The following GSC variants were observed in gnomAD, a reference collection of about 807,000 sequenced individuals.
GSC encodes the protein homeobox protein goosecoid.
In GSC, 13 loss-of-function variants were observed where a neutral mutation model predicts 24.5. The ratio of observed to expected loss-of-function variants is 0.53; its 90% CI spans 0.35 to 0.84. The LOEUF (loss-of-function observed/expected upper bound fraction) is 0.84. Among genes scored for constraint, GSC ranks in the 40% least tolerant of loss-of-function variants. GSC has a pLI of 0.01. For missense variants in GSC, 382 were observed against 384.2 expected, an observed-to-expected ratio of 0.99 and a Z score of 0.05; for synonymous variants, 199 against 182.1, an observed-to-expected ratio of 1.09 and a Z score of -0.75.
chr14:94,769,041 G>C lies in GSC; in HGVS notation c.532C>G (p.Leu178Val), dbSNP rs1169991794. 1.3e-6 allele frequency: 2 copies of C among 1,596,754 alleles called. No homozygotes were observed. The highest frequency in any genetic ancestry group is 2.7e-5 in the African/African-American group (2 of 74,746). Residue 178 changes from leucine to valine, a missense_variant, in exon 2 of 3, where the codon CTC (leucine) becomes GTC (valine). By Grantham distance (32) the Leu-to-Val change is conservative (BLOSUM62 1). Coordinates refer to ENST00000238558, the MANE Select transcript of GSC (RefSeq NM_173849.3). ...TDEQLEALEN[L>V]FQETKYPDVG... is the part of the protein sequence containing the mutation. ...TCCGGGTACTTGGTCTCCTGGAAGA[G>C]GTTCTCGAGAGCTTCGAGCTGCTCG...
Position 94,768,952 on chromosome 14 carries a change from GC to G in GSC, c.615+5del. On this transcript the variant is annotated splice_donor_5th_base_variant and intron_variant, in intron 2 of 2. Transcript: ENST00000238558. ...CTAGGCGCCCACGGCAGGCCCCGGC[GC>G]CTACCTCCACTTTCTCCTCGCGGAG... The G allele has an allele frequency of 6.3e-7, 1 of 1,577,152 alleles. No individual in the cohort carries two copies. Among genetic ancestry groups the G allele is most frequent in the Non-Finnish European group, 8.6e-7 (1 of 1,162,838 alleles).
Position 94,769,893 on chromosome 14 carries a change from G to A in GSC, c.123C>T (p.Asp41=). The A allele has an allele frequency of 6.6e-7, 1 of 1,513,538 alleles. No homozygotes were observed. The highest frequency in any genetic ancestry group is 8.8e-7 in the Non-Finnish European group (1 of 1,138,654). The allele number at this position is 1,513,538 out of a possible 1,614,324, so 93.8% of individuals were successfully genotyped here. Residue 41 remains aspartate, a synonymous_variant, in exon 1 of 3, where the codon GAC becomes GAT. Transcript: ENST00000238558. ...CGCCGCCGCTGGCGCCGTAGAGCGA[G>A]TCCCCGTGCAGGGCCGGGAAGACGA... is the stretch of plus-strand genomic sequence containing the variant. The part of the protein sequence containing the change: ...APVVFPALHG[D]SLYGASGGAS...
chr14:94,770,105 G>T lies in GSC; in HGVS notation c.-90C>A. The T allele has an allele frequency of 1.6e-6, 2 of 1,283,482 alleles. No individual in the cohort carries two copies. Among genetic ancestry groups the T allele is most frequent in the South Asian group, 1.4e-5 (1 of 70,164 alleles). 79.5% of individuals were successfully genotyped at this position (1,283,482 alleles called of 1,614,324 possible). ...GGGGGTCCACTCTCCTCCAGCCGCCGACCAAACCGAAAGAGAGCGCCGGCG... is the reference window on the plus strand; with the variant it reads ...GGGGGTCCACTCTCCTCCAGCCGCCTACCAAACCGAAAGAGAGCGCCGGCG... On this transcript the variant is annotated 5_prime_UTR_variant, in exon 1 of 3. Transcript: ENST00000238558.
Position 94,769,128 on chromosome 14 carries a change from G to A in GSC, c.445C>T (p.Leu149=), listed in dbSNP as rs1422609540. ...CAGTGCAGCTGGTTGAGAAGCTGCA[G>A]CTCGGTGCGCGACAGCGTGCCCACG... The part of the protein sequence containing the change: ...MNVGTLSRTE[L]QLLNQLHCRR... The change falls in exon 2 of 3, where the codon CTG becomes TTG. Residue 149 remains leucine, a synonymous_variant. Coordinates refer to ENST00000238558, the MANE Select transcript of GSC (RefSeq NM_173849.3). 7 of 1,577,978 alleles carry A rather than the reference G, an allele frequency of 4.4e-6. No homozygotes were observed. In the Admixed American group the frequency reaches 1.3e-4, roughly 29 times the overall value.
chr14:94,769,905 G>C lies in GSC; in HGVS notation c.111C>G (p.Ala37=). 2.0e-6 allele frequency: 3 copies of C among 1,529,382 alleles called. No individual in the cohort carries two copies. The highest frequency in any genetic ancestry group is 1.4e-5 in the African/African-American group (1 of 71,236). The allele number at this position is 1,529,382 out of a possible 1,614,324, so 94.7% of individuals were successfully genotyped here. Residue 37 remains alanine, a synonymous_variant, in exon 1 of 3, where the codon GCC becomes GCG. Transcript: ENST00000238558. ...CGCCGTAGAGCGAGTCCCCGTGCAG[G>C]GCCGGGAAGACGACGGGAGCCGCCG... is the stretch of plus-strand genomic sequence containing the variant. ...HSAAAPVVFP[A]LHGDSLYGAS...
At position 94,768,538 on chromosome 14, in the gene GSC, C is replaced by T; in HGVS notation, c.727G>A (p.Glu243Lys). The change falls in exon 3 of 3, where the codon GAG becomes AAG. Residue 243 changes from glutamate (E) to lysine (K), a missense_variant. Transcript: ENST00000238558. Reference sequence around the variant, plus strand: ...CTTTTACCTTCCTCTTCCCTCTTCTCCGGTGACGCCTTCGACGACGACGTC... The same window carrying T: ...CTTTTACCTTCCTCTTCCCTCTTCTTCGGTGACGCCTTCGACGACGACGTC... ...NKTSSSKASP[E>K]KREEEGKSDL... 6.2e-7 allele frequency: 1 copy of T among 1,614,216 alleles called. No individual in the cohort carries two copies. The highest frequency in any genetic ancestry group is 8.5e-7 in the Non-Finnish European group (1 of 1,180,034).
In GSC at chr14:94,768,296, C is replaced by A. The variant is rs992753905; in HGVS notation, c.*195G>T. 3 of 648,548 alleles carry A rather than the reference C, an allele frequency of 4.6e-6. No individual in the cohort carries two copies. Among genetic ancestry groups the A allele is most frequent in the Non-Finnish European group, 8.2e-6 (3 of 365,794 alleles). The allele number at this position is 648,548 out of a possible 1,614,324, so 40.2% of individuals were successfully genotyped here. A position where few individuals can be genotyped will look rare whatever the true frequency, so the allele number is the denominator to read the frequency against. On this transcript the variant is annotated 3_prime_UTR_variant, in exon 3 of 3. Transcript: ENST00000238558. ...TACTACGGTGGGGGCTAGTCGCGGG[C>A]GGCCTCGGGCTGCTGGGCTGTGCGC...
rs1885244957 is a variant in GSC, at chr14:94,769,723, G to A, written c.293C>T (p.Ala98Val). 1.4e-6 allele frequency: 2 copies of A among 1,448,484 alleles called. No individual in the cohort carries two copies. Among genetic ancestry groups the A allele is most frequent in the Non-Finnish European group, 1.8e-6 (2 of 1,109,954 alleles). The allele number at this position is 1,448,484 out of a possible 1,614,324, so 89.7% of individuals were successfully genotyped here. ...CAGCGGCGGCACGGCCCCGCAGCAG[G>A]CCGGGCCCACGGGCGCCGCCTGCAC... ...LHVQAAPVGP[A>V]CCGAVPPLGA... Residue 98 changes from alanine (A) to valine (V), a missense_variant, in exon 1 of 3, where the codon GCC (alanine) becomes GTC (valine). Coordinates refer to ENST00000238558, the MANE Select transcript of GSC (RefSeq NM_173849.3).
chr14:94,768,722 C>T (rs2139702788), intron 2 of GSC, 73 bp from the exon 3 acceptor site: 1 of 1,578,406 alleles, frequency 6.3e-7, no homozygotes, highest in East Asian at 2.2e-5. Flanking sequence ...ACCCGGGGAG[C>T]TTGGTGTGGC....
In GSC at chr14:94,768,343, C is replaced by T. The variant is rs1885210503; in HGVS notation, c.*148G>A. 1 of 1,084,670 alleles carries T rather than the reference C, an allele frequency of 9.2e-7. No homozygotes were observed. Among genetic ancestry groups the T allele is most frequent in the African/African-American group, 1.5e-5 (1 of 64,788 alleles). 67.2% of individuals were successfully genotyped at this position (1,084,670 alleles called of 1,614,324 possible). A position where few individuals can be genotyped will look rare whatever the true frequency, so the allele number is the denominator to read the frequency against. On this transcript the variant is annotated 3_prime_UTR_variant, in exon 3 of 3. Transcript: ENST00000238558. ...GCGCGCCCTGACCCCAGACGCCGAC[C>T]CTCCCGGCTCTGTACACTATTTACA...
rs1262271304 is a variant in GSC at position 94,768,596 on chromosome 14, T to C, written c.669A>G (p.Ser223=). 15 of 1,614,020 alleles carry C rather than the reference T, an allele frequency of 9.3e-6. No individual in the cohort carries two copies. Among genetic ancestry groups the C allele is most frequent in the Admixed American group, 1.7e-5 (1 of 60,016 alleles). Residue 223 remains serine (S), a synonymous_variant, in exon 3 of 3, where the codon TCA becomes TCG. Coordinates refer to ENST00000238558, the MANE Select transcript of GSC (RefSeq NM_173849.3). Reference sequence around the variant, plus strand: ...ACTTCTCCGCGTTCTCCGACTCCTCTGATGAGGACCGCTTCTGCCGCCTCC... The same window carrying C: ...ACTTCTCCGCGTTCTCCGACTCCTCCGATGAGGACCGCTTCTGCCGCCTCC... ...AKWRRQKRSS[S]EESENAEKWN...
intron 1 of GSC, 35 bp from the exon 2 acceptor site, chr14:94,769,252 C>T (rs1360266634): frequency 1.9e-6 from 3 of 1,541,680 alleles, no homozygotes; most frequent in Non-Finnish European, 2.6e-6. Flanking sequence ...CAGCCGCCCG[C>T]CCTCGCCACC....
intron 1 of GSC, 149 bp downstream of exon 1, chr14:94,769,512 A>G (rs1389669708): frequency 8.3e-6 from 10 of 1,204,850 alleles, no homozygotes; most frequent in Non-Finnish European, 1.0e-5. Context: ...AGTTTGCAGC[A>G]AGAAGTTTGC....
intron 2 of GSC, 95 bp downstream of exon 2, chr14:94,768,863 T>C: frequency 6.7e-7 from 1 of 1,499,786 alleles, no homozygotes; most frequent in Non-Finnish European, 9.0e-7. Context: ...GTTTTTAAAG[T>C]GCGGGGAGAG....
At position 94,769,670 on chromosome 14, in the gene GSC, T is replaced by G; in HGVS notation, c.346A>C (p.Thr116Pro). Residue 116 changes from threonine to proline, a missense_variant, in exon 1 of 3, where the codon ACG (threonine) becomes CCG (proline). Coordinates refer to ENST00000238558, the MANE Select transcript of GSC (RefSeq NM_173849.3). Reference sequence around the variant, plus strand: ...GCGAGCGCGACCCTACCTGGGGGCGTCGGGACGCAGGAGCACTGCTGGGCG... The same window carrying G: ...GCGAGCGCGACCCTACCTGGGGGCGGCGGGACGCAGGAGCACTGCTGGGCG... ...LGAQQCSCVPTPPGYEGPGSV... is the reference protein window; with the variant it reads ...LGAQQCSCVPPPPGYEGPGSV... 1 of 1,438,868 alleles carries G rather than the reference T, an allele frequency of 6.9e-7. No homozygotes were observed. The highest frequency in any genetic ancestry group is 9.0e-7 in the Non-Finnish European group (1 of 1,106,118). The allele number at this position is 1,438,868 out of a possible 1,614,324, so 89.1% of individuals were successfully genotyped here.
rs750213730 is a variant in GSC at position 94,768,537 on chromosome 14, T to TC, written c.727dup (p.Glu243GlyfsTer8). 7.4e-6 allele frequency: 12 copies of TC among 1,614,080 alleles called. No individual in the cohort carries two copies. Among genetic ancestry groups the TC allele is most frequent in the Non-Finnish European group, 1.0e-5 (12 of 1,180,050 alleles). ...GCTTTTACCTTCCTCTTCCCTCTTC[T>TC]CCGGTGACGCCTTCGACGACGACGT... On this transcript the variant is annotated frameshift_variant, in exon 3 of 3. Coordinates refer to ENST00000238558, the MANE Select transcript of GSC (RefSeq NM_173849.3). LOFTEE classifies it high-confidence loss of function.
At chr14:94,769,385 G>T (rs1381189874) in intron 1 of GSC, among the ~76,000 whole-genome samples, 168 bp from the exon 2 acceptor site, 2 of 152,194 alleles carry the variant, frequency 1.3e-5, no homozygotes, top group Non-Finnish European at 2.9e-5. Flanking sequence ...GCGTGTTAGA[G>T]CATCCATCCG....
Position 94,768,820 on chromosome 14 carries a change from G to T in GSC, c.615+138C>A, listed in dbSNP as rs1202275568. The T allele has an allele frequency of 5.8e-6, 8 of 1,388,270 alleles. No homozygotes were observed. The South Asian group carries it at 8.7e-5, about 15-fold the overall frequency. The allele number at this position is 1,388,270 out of a possible 1,614,324, so 86.0% of individuals were successfully genotyped here. On this transcript the variant is annotated intron_variant, in intron 2 of 2. Transcript: ENST00000238558. ...TCATTCAACTTCCTGGGCCTAAAGC[G>T]CCCTCCAGCAGCCTGCGGGCCGCCA...
chr14:94,769,550 G>A (rs1210832629), intron 1 of GSC, 111 bp downstream of exon 1: 29 of 1,361,112 alleles, frequency 2.1e-5, no homozygotes, highest in Middle Eastern at 5.4e-4. Context: ...CGGCAAAAGC[G>A]GAGGGGGGAG....
Sources: gnomAD v4.1 joint callset for allele counts (sites outside exome capture counted in the v4.1 genomes callset) on GRCh38, gnomAD v4.1.1 for gene constraint, MANE v1.5 for transcripts, NCBI Gene and HGNC (gene_info 2026-07-23, HGNC 2026-07-21) for gene names.